NBPF8: variants seen among roughly 807,000 people sequenced by gnomAD.
The protein encoded by NBPF8 is NBPF family member NBPF8.
At chr1:120,467,785 G>C (rs1201531303), downstream of NBPF8, 1 of 152,120 alleles carries the variant, frequency 6.6e-6, no homozygotes, top group Non-Finnish European at 1.5e-5. Context: ...TATAATATTT[G>C]ATTATGCTGA....
exon 25 of NBPF8, chr1:120,466,092 C>T (rs1198510033): frequency 1.0e-4 from 165 of 1,611,614 alleles, no homozygotes; most frequent in Non-Finnish European, 1.4e-4. Context: ...TCCAGCACTA[C>T]AGAAGTGTGT....
At chr1:120,419,602 G>T (rs1396071048), upstream of NBPF8, among the ~76,000 whole-genome samples, 2 of 152,032 alleles carry the variant, frequency 1.3e-5, no homozygotes, top group African/African-American at 2.4e-5. Flanking sequence ...GAGACTACAA[G>T]TGTGTGCCAC....
At chr1:120,430,611 A>G (rs1276558768) in intron 3 of NBPF8, among the ~76,000 whole-genome samples, 2 of 145,376 alleles carry the variant, frequency 1.4e-5, no homozygotes, top group Admixed American at 6.8e-5. Context: ...AAAATTAGCT[A>G]GGCGTGGTGG....
chr1:120,426,997 C>T (rs1242487107), intron 2 of NBPF8, among the ~76,000 whole-genome samples: 1 of 135,358 alleles, frequency 7.4e-6, no homozygotes, highest in African/African-American at 3.1e-5. Context: ...GCTCTCTGCT[C>T]TGCATTTCTT....
At chr1:120,431,699 C>T (rs1660885943), upstream of NBPF8, among the ~76,000 whole-genome samples, 2 of 151,470 alleles carry the variant, frequency 1.3e-5, no homozygotes, top group Admixed American at 6.6e-5. Flanking sequence ...GGTATGGCTC[C>T]TTTGAAAATC....
intron 3 of NBPF8, among the ~76,000 whole-genome samples, chr1:120,428,342 AAGT>A (rs1660779768): frequency 1.3e-5 from 2 of 152,208 alleles, no homozygotes; most frequent in South Asian, 4.1e-4. Context: ...TGCAAAAACA[AAGT>A]AGCCAAAAAG....
chr1:120,428,687 G>A (rs1660788487), intron 3 of NBPF8, among the ~76,000 whole-genome samples: 1 of 151,930 alleles, frequency 6.6e-6, no homozygotes, highest in Non-Finnish European at 1.5e-5. Flanking sequence ...CATGCGGTCT[G>A]TGGTTCTCTG....
chr1:120,428,345 T>A (rs2101535434), intron 3 of NBPF8, among the ~76,000 whole-genome samples: 1 of 152,140 alleles, frequency 6.6e-6, no homozygotes, highest in East Asian at 1.9e-4. Flanking sequence ...AAAAACAAAG[T>A]AGCCAAAAAG....
At chr1:120,434,214 TAAAAAAG>T (rs1307259535), upstream of NBPF8, among the ~76,000 whole-genome samples, 1 of 147,926 alleles carries the variant, frequency 6.8e-6, no homozygotes, top group Admixed American at 6.7e-5. Context: ...CTCCGCCACT[TAAAAAAG>T]AAAAAAATAT....
chr1:120,450,525 G>T (rs1313038526), intron 11 of NBPF8, among the ~76,000 whole-genome samples: 1 of 152,096 alleles, frequency 6.6e-6, no homozygotes, highest in East Asian at 1.9e-4. Flanking sequence ...GCTATTTCTT[G>T]TCAGTCTCCT....
upstream of NBPF8, among the ~76,000 whole-genome samples, chr1:120,419,316 G>A (rs1209016160): frequency 6.6e-5 from 10 of 152,296 alleles, no homozygotes; most frequent in East Asian, 3.9e-4. Flanking sequence ...TAGAATATAC[G>A]TGTACAGATA....
rs1441171328 is a variant in NBPF8 at position 120,452,342 on chromosome 1, C to T, written n.2289+11C>T. 3 of 1,341,120 alleles carry T rather than the reference C, an allele frequency of 2.2e-6. No homozygotes were observed. Among genetic ancestry groups the T allele is most frequent in the Non-Finnish European group, 3.2e-6 (3 of 943,152 alleles). 83.1% of individuals were successfully genotyped at this position (1,341,120 alleles called of 1,614,324 possible). A position where few individuals can be genotyped will look rare whatever the true frequency, so the allele number is the denominator to read the frequency against. ...AAAAGCTCAGCCCAGGTAAGGTGGC[C>T]ATAGGCCCTGATGACCCAAAATCCC... On this transcript the variant is annotated intron_variant and non_coding_transcript_variant, in intron 13 of 24. Transcript: ENST00000583271.
At chr1:120,468,738 C>T (rs1344620056), downstream of NBPF8, among the ~76,000 whole-genome samples, 1 of 150,260 alleles carries the variant, frequency 6.7e-6, no homozygotes, top group Non-Finnish European at 1.5e-5. Context: ...GTGCTCTAAT[C>T]CACCAGGTCT....
At chr1:120,445,839 G>A in exon 8 of NBPF8, 4 of 437,818 alleles carry the variant, frequency 9.1e-6, no homozygotes, top group Non-Finnish European at 1.6e-5. Context: ...GCAATATAAA[G>A]TCCTGGTTCA....
At chr1:120,466,117 G>C in exon 25 of NBPF8, 1 of 1,610,992 alleles carries the variant, frequency 6.2e-7, no homozygotes, top group Non-Finnish European at 8.5e-7. Context: ...CTCATTTGAG[G>C]AACAGCACAT....
At chr1:120,424,773 C>G (rs1458114705) in intron 1 of NBPF8, among the ~76,000 whole-genome samples, 11 of 139,190 alleles carry the variant, frequency 7.9e-5, no homozygotes, top group African/African-American at 2.7e-4. Flanking sequence ...AAAGAGAGAT[C>G]AGATTGTTAC....
In NBPF8 at chr1:120,466,155, G is replaced by A. The variant is rs1661742499; in HGVS notation, n.3746G>A. The A allele has an allele frequency of 3.1e-6, 5 of 1,609,764 alleles. No individual in the cohort carries two copies. The Admixed American group carries it at 8.3e-5, about 27-fold the overall frequency. ...GCTTTGCCCTTGACATGGACAATAG[G>A]TTCTTTACTTTGACGGTGACAAGTC... On this transcript the variant is annotated non_coding_transcript_exon_variant, in exon 25 of 25. Transcript: ENST00000583271.
At chr1:120,432,260 TC>T (rs1314231915), upstream of NBPF8, 1 of 125,744 alleles carries the variant, frequency 8.0e-6, no homozygotes, top group Non-Finnish European at 1.6e-5. Context: ...ACTAAATGGC[TC>T]CTGTTAAGAA....
At chr1:120,421,979 G>C (rs1372396768) in intron 1 of NBPF8, among the ~76,000 whole-genome samples, 6 of 151,926 alleles carry the variant, frequency 3.9e-5, no homozygotes, top group Non-Finnish European at 5.9e-5. Flanking sequence ...CTGACTCCAG[G>C]TTGGTGCACT....
Sources: allele counts gnomAD v4.1 joint callset (sites outside exome capture counted in the v4.1 genomes callset), GRCh38; gene constraint gnomAD v4.1.1; transcripts MANE v1.5; gene names NCBI Gene and HGNC (gene_info 2026-07-23, HGNC 2026-07-21).